The following U2SURP variants were observed in gnomAD, a reference collection of about 807,000 sequenced individuals.
The protein encoded by U2SURP is U2 snRNP-associated SURP motif-containing protein.
U2SURP carries 9 observed loss-of-function variants against 144.9 expected under a neutral mutation model. That is an observed-to-expected ratio of 0.06 (90% CI 0.04 to 0.11). The LOEUF is 0.11. U2SURP is among the 10% of genes least tolerant of loss of function. The pLI is 1.00. For synonymous variants in U2SURP, 408 were observed against 396.8 expected (o/e 1.03, Z -0.33); for missense variants, 724 against 1,226.7 (o/e 0.59, Z 6.12).
chr3:143,037,657 A>G (rs1196333459), intron 21 of U2SURP, among the ~76,000 whole-genome samples: 1 of 152,102 alleles, frequency 6.6e-6, no homozygotes, highest in Non-Finnish European at 1.5e-5. Flanking sequence ...TCAGTTATGC[A>G]TGATCCTAGG....
intron 19 of U2SURP, 35 bp from the exon 20 acceptor site, chr3:143,035,947 A>C: frequency 2.6e-6 from 4 of 1,564,020 alleles, no homozygotes; most frequent in Non-Finnish European, 3.4e-6. Context: ...TATAGCCCAA[A>C]ATAAAAGTTT....
chr3:143,056,269 A>G (rs1578181641), intron 27 of U2SURP, 43 bp from the exon 28 acceptor site: 10 of 1,559,912 alleles, frequency 6.4e-6, no homozygotes, highest in Non-Finnish European at 7.0e-6. Context: ...TTTTGATCAC[A>G]TGAGTACTTT....
intron 13 of U2SURP, among the ~76,000 whole-genome samples, chr3:143,025,510 T>G (rs1371971387): frequency 6.6e-6 from 1 of 152,176 alleles, no homozygotes; most frequent in African/African-American, 2.4e-5. Context: ...AAAATTTCCC[T>G]TAGCTTTAAT....
At chr3:143,006,366 TAGGCACTTGTTCTGACA>T (rs1384830678) in intron 1 of U2SURP, among the ~76,000 whole-genome samples, 2 of 152,184 alleles carry the variant, frequency 1.3e-5, no homozygotes, top group Non-Finnish European at 2.9e-5. Context: ...TGTTTGGTGG[TAGGCACTTGTTCTGACA>T]AGTCAAGTAT....
chr3:143,055,003 A>T lies in U2SURP; in HGVS notation c.2835A>T (p.Lys945Asn). The change falls in exon 27 of 28, where the codon AAA becomes AAT. Residue 945 changes from lysine to asparagine, a missense_variant. Lys to Asn is a moderately conservative substitution (Grantham distance 94, BLOSUM62 0). Around this residue, in one of 13 missense-constraint regions of U2SURP, gnomAD observed 129 missense variants for 196.1 expected, o/e 0.66. Transcript: ENST00000473835. ...PSRSSSGRRVKSPSPKSERSE... is the reference protein window; with the variant it reads ...PSRSSSGRRVNSPSPKSERSE... ...GCAGTAGCAGTGGTAGACGAGTGAA[A>T]TCCCCATCACCAAAATCGGAGCGAT... The T allele has an allele frequency of 6.2e-7, 1 of 1,609,862 alleles. No homozygotes were observed. The highest frequency in any genetic ancestry group is 2.2e-5 in the East Asian group (1 of 44,768).
chr3:143,015,041 A>G (rs183005987), intron 4 of U2SURP, among the ~76,000 whole-genome samples: 5 of 152,182 alleles, frequency 3.3e-5, no homozygotes, highest in Non-Finnish European at 5.9e-5. Flanking sequence ...TAGTTTTTCT[A>G]TATTTGTCAT....
intron 20 of U2SURP, among the ~76,000 whole-genome samples, chr3:143,036,496 G>T (rs1171946442): frequency 6.6e-6 from 1 of 151,744 alleles, no homozygotes; most frequent in African/African-American, 2.4e-5. Flanking sequence ...CCATTCTGTT[G>T]TTTTTTTTCT....
At chr3:143,017,017 G>A in intron 6 of U2SURP, 42 bp downstream of exon 6, 2 of 1,521,270 alleles carry the variant, frequency 1.3e-6, no homozygotes, top group South Asian at 2.6e-5. Context: ...GTTCAGAGAT[G>A]ACACTGCCAG....
chr3:143,051,798 TC>T lies in U2SURP; in HGVS notation c.2655+751del, dbSNP rs1379408207. ...GCTAGTACTGCTCTCTGCTGTGTAC[TC>T]CTAGGCAAGTCACTGCAGCCTGCTT... On this transcript the variant is annotated intron_variant, in intron 25 of 27. Coordinates refer to ENST00000473835, the MANE Select transcript of U2SURP (RefSeq NM_001080415.2). 2.8e-3 allele frequency among the ~76,000 whole-genome samples: 426 copies of T among 152,196 alleles called. 3 individuals carry two copies. Among genetic ancestry groups the T allele is most frequent in the African/African-American group, 9.7e-3 (401 of 41,532 alleles).
chr3:143,057,362 T>A lies in U2SURP; in HGVS notation c.*912T>A, dbSNP rs557044828. The A allele has an allele frequency of 4.0e-5, 6 of 151,490 alleles. No homozygotes were observed. Among genetic ancestry groups the A allele is most frequent in the Non-Finnish European group, 7.4e-5 (5 of 67,640 alleles). 9.4% of individuals were successfully genotyped at this position (151,490 alleles called of 1,614,324 possible). A position where few individuals can be genotyped will look rare whatever the true frequency, so the allele number is the denominator to read the frequency against. ...TATCTTTCAAACACTGGCATCAGAATATTTTTTATAAGTTTGTGTTTAAAC... is the reference window on the plus strand; with the variant it reads ...TATCTTTCAAACACTGGCATCAGAAAATTTTTTATAAGTTTGTGTTTAAAC... On this transcript the variant is annotated 3_prime_UTR_variant, in exon 28 of 28. Coordinates refer to ENST00000473835, the MANE Select transcript of U2SURP (RefSeq NM_001080415.2).
intron 13 of U2SURP, chr3:143,026,515 C>G (rs1933157330): frequency 6.6e-6 from 1 of 152,024 alleles, no homozygotes; most frequent in Non-Finnish European, 1.5e-5. Flanking sequence ...GAATTGTGAA[C>G]TAGTTTGAAG....
rs763732197 is a variant in U2SURP at position 143,011,938 on chromosome 3, AT to A, written c.91-280del. The stretch of plus-strand genomic sequence containing the variant: ...AAACTATGGTGAATCAGACTTGGGG[AT>A]TTTGGCAGACATTTTCTTGAAAATG... On this transcript the variant is annotated intron_variant, in intron 2 of 27. Transcript: ENST00000473835. 32 of 533,846 alleles carry A rather than the reference AT, an allele frequency of 6.0e-5. No individual in the cohort carries two copies. The Middle Eastern group carries it at 8.5e-4, about 14-fold the overall frequency. 33.1% of individuals were successfully genotyped at this position (533,846 alleles called of 1,614,324 possible).
intron 6 of U2SURP, 82 bp downstream of exon 6, chr3:143,017,057 C>CT (rs1560180593): frequency 2.1e-6 from 3 of 1,395,746 alleles, no homozygotes; most frequent in South Asian, 3.5e-5. Flanking sequence ...AAGACTTTGG[C>CT]TTTTTTTCGT....
In U2SURP at chr3:143,048,976, C is replaced by G. The variant is rs376835257; in HGVS notation, c.2545-1963C>G. Among the ~76,000 whole-genome samples the G allele has an allele frequency of 2.6e-5, 4 of 151,130 alleles. No individual in the cohort carries two copies. The East Asian group carries it at 7.9e-4, about 30-fold the overall frequency. On this transcript the variant is annotated intron_variant, in intron 24 of 27. Coordinates refer to ENST00000473835, the MANE Select transcript of U2SURP (RefSeq NM_001080415.2). ...AAATAGTGAAAATGCCACTTGGGGC[C>G]GGGCATGGCGGCTCATTCCTGTAAT...
At chr3:143,010,955 A>G (rs555350710) in intron 2 of U2SURP, 96 bp downstream of exon 2, 11 of 919,088 alleles carry the variant, frequency 1.2e-5, no homozygotes, top group South Asian at 7.5e-5. Context: ...ACAAATAAAT[A>G]CAATTGTATG....
intron 16 of U2SURP, 118 bp from the exon 17 acceptor site, chr3:143,032,666 C>A: frequency 1.2e-6 from 1 of 869,066 alleles, no homozygotes; most frequent in Non-Finnish European, 1.7e-6. Context: ...GAATGTATTA[C>A]AGTCTTCAGA....
chr3:143,005,947 AGGTGG>A (rs2108266100), intron 1 of U2SURP, among the ~76,000 whole-genome samples: 1 of 152,310 alleles, frequency 6.6e-6, no homozygotes, highest in Non-Finnish European at 1.5e-5. Context: ...ATTCTAGTAT[AGGTGG>A]TTTTAACATT....
At chr3:143,031,423 G>GCCCTAACCTTCAGCTACCACCA (rs71153998) in intron 16 of U2SURP, among the ~76,000 whole-genome samples, 57,749 of 136,966 alleles carry the variant, frequency 0.42, 13,793 homozygotes, top group Middle Eastern at 0.46. Flanking sequence ...AGCTACCACC[G>GCCCTAACCTTCAGCTACCACCA]CCCTAACCTT....
At position 143,014,068 on chromosome 3, in the gene U2SURP, T is replaced by A. The variant is rs921390821; in HGVS notation, c.223-243T>A. Among the ~76,000 whole-genome samples the A allele has an allele frequency of 4.7e-5, 7 of 148,662 alleles. No homozygotes were observed. In the East Asian group the frequency reaches 7.9e-4, roughly 17 times the overall value. On this transcript the variant is annotated intron_variant, in intron 3 of 27. Coordinates refer to ENST00000473835, the MANE Select transcript of U2SURP (RefSeq NM_001080415.2). ...CTCTTCTATTTTTACCTTTTTTTTT[T>A]AACATGACTTTTGCATGTTTTTGAC...
Sources: gnomAD v4.1 joint callset for allele counts (sites outside exome capture counted in the v4.1 genomes callset) on GRCh38, gnomAD v4.1.1 for gene constraint, gnomAD v4.1.1 regional missense constraint, MANE v1.5 for transcripts, NCBI Gene and HGNC (gene_info 2026-07-23, HGNC 2026-07-21) for gene names.